ZNF462: variants seen among roughly 807,000 people sequenced by gnomAD.
ZNF462 encodes zinc finger protein 462.
Under a neutral mutation model 201.9 loss-of-function variants are expected in ZNF462, and 10 were observed. The observed-to-expected ratio is 0.05, with a 90% CI of 0.03 to 0.08. The LOEUF (loss-of-function observed/expected upper bound fraction) is 0.08. ZNF462 is among the 10% of genes least tolerant of loss of function. ZNF462 has a pLI of 1.00. For missense variants in ZNF462, 2,523 were observed against 3,168.3 expected, an observed-to-expected ratio of 0.80 and a Z score of 4.89; for synonymous variants, 1,227 against 1,193.3, an observed-to-expected ratio of 1.03 and a Z score of -0.58.
In ZNF462 at chr9:107,003,178, G is replaced by A. The variant is rs1829321569; in HGVS notation, c.7057-116G>A. On this transcript the variant is annotated intron_variant, in intron 10 of 12. Coordinates refer to ENST00000277225, the MANE Select transcript of ZNF462 (RefSeq NM_021224.6). This position sits in a 1 kb window ranked among gnomAD's most constrained non-coding sequence, Gnocchi z 4.4. ...ACCTCTTAGGCCCCGGAGTTGTTTGGTCCTGGTTGCAAAACCACAGTCACA... is the reference window on the plus strand; with the variant it reads ...ACCTCTTAGGCCCCGGAGTTGTTTGATCCTGGTTGCAAAACCACAGTCACA... 2.1e-6 allele frequency: 3 copies of A among 1,441,050 alleles called. No homozygotes were observed. Among genetic ancestry groups the A allele is most frequent in the South Asian group, 2.8e-5 (2 of 71,358 alleles). 89.3% of individuals were successfully genotyped at this position (1,441,050 alleles called of 1,614,324 possible).
chr9:106,974,296 C>T lies in ZNF462; in HGVS notation c.6832+23C>T. ...GAGGTAACCTTTCTAACTTGGTTTT[C>T]TTGGATGCAGCGGGGGGCAGGCAGC... On this transcript the variant is annotated intron_variant, in intron 9 of 12. Coordinates refer to ENST00000277225, the MANE Select transcript of ZNF462 (RefSeq NM_021224.6). This position sits in a 1 kb window ranked among gnomAD's most constrained non-coding sequence, Gnocchi z 4.0. 1 of 1,614,042 alleles carries T rather than the reference C, an allele frequency of 6.2e-7. No homozygotes were observed. The highest frequency in any genetic ancestry group is 8.5e-7 in the Non-Finnish European group (1 of 1,179,926).
rs1441643501 is a variant in ZNF462 at position 106,972,324 on chromosome 9, A to ACCTG, written c.6695+54_6695+55insTGCC. ...AAAACAAGGCGGCCGCCCCTGCTCC[A>ACCTG]CCCCTCACTGCAGGCTTCCCTTACA... On this transcript the variant is annotated intron_variant, in intron 8 of 12. Transcript: ENST00000277225. This position sits in a 1 kb window ranked among gnomAD's most constrained non-coding sequence, Gnocchi z 4.8. 1.3e-6 allele frequency: 2 copies of ACCTG among 1,574,694 alleles called. No individual in the cohort carries two copies. Among genetic ancestry groups the ACCTG allele is most frequent in the Non-Finnish European group, 1.7e-6 (2 of 1,159,994 alleles).
At chr9:106,922,932 C>G (rs1830045096) in intron 1 of ZNF462, among the ~76,000 whole-genome samples, 1 of 152,108 alleles carries the variant, frequency 6.6e-6, no homozygotes, top group African/African-American at 2.4e-5. Flanking sequence ...TGAAATTTTC[C>G]CTTTCTTCTG....
chr9:106,898,302 A>G (rs1004105860), intron 1 of ZNF462, among the ~76,000 whole-genome samples: 2 of 152,070 alleles, frequency 1.3e-5, no homozygotes, highest in Admixed American at 1.3e-4. Context: ...GCTGTGTGAA[A>G]ATGTTTGGGA....
In ZNF462 at chr9:106,986,327, G is replaced by A. The variant is rs552191723; in HGVS notation, c.7056+1918G>A. 5.3e-5 allele frequency among the ~76,000 whole-genome samples: 8 copies of A among 152,274 alleles called. No homozygotes were observed. In the East Asian group the frequency reaches 1.5e-3, roughly 29 times the overall value. Reference sequence around the variant, plus strand: ...CCAAAAAGATCTGGGTTTTAATCTTGTCTCCACCATTTACTGTGCATATTT... The same window carrying A: ...CCAAAAAGATCTGGGTTTTAATCTTATCTCCACCATTTACTGTGCATATTT... On this transcript the variant is annotated intron_variant, in intron 10 of 12. Transcript: ENST00000277225.
At position 106,938,397 on chromosome 9, in the gene ZNF462, A is replaced by G. The variant is rs766466731; in HGVS notation, c.6236-519A>G. ...CAAAAATATATATATGTGGGATGAGAATGTGTATAGTTAGCAAGGAAGTAC... is the reference window on the plus strand; with the variant it reads ...CAAAAATATATATATGTGGGATGAGGATGTGTATAGTTAGCAAGGAAGTAC... On this transcript the variant is annotated intron_variant, in intron 6 of 12. Coordinates refer to ENST00000277225, the MANE Select transcript of ZNF462 (RefSeq NM_021224.6). The surrounding 1 kb of genome is among the most constrained non-coding windows in gnomAD (Gnocchi z 4.4). Among the ~76,000 whole-genome samples, 1 of 152,180 alleles carries G rather than the reference A, an allele frequency of 6.6e-6. No individual in the cohort carries two copies. Among genetic ancestry groups the G allele is most frequent in the Non-Finnish European group, 1.5e-5 (1 of 68,022 alleles).
In ZNF462 at chr9:106,885,516, T is replaced by C. The variant is rs900643447; in HGVS notation, c.-31+22161T>C. 3.3e-5 allele frequency among the ~76,000 whole-genome samples: 5 copies of C among 152,170 alleles called. No individual in the cohort carries two copies. The highest frequency in any genetic ancestry group is 7.2e-5 in the African/African-American group (3 of 41,446). ...GGAGTATAGTCTCTTTAAAGTTATT[T>C]TGAGGAGTTGGACACTACCTACTAG... On this transcript the variant is annotated intron_variant, in intron 1 of 12. Transcript: ENST00000277225. The surrounding 1 kb of genome is among the most constrained non-coding windows in gnomAD (Gnocchi z 4.1).
rs1398738616 is a variant in ZNF462 at position 106,998,701 on chromosome 9, A to G, written c.7057-4593A>G. 1.1e-4 allele frequency among the ~76,000 whole-genome samples: 16 copies of G among 152,116 alleles called. No individual in the cohort carries two copies. The South Asian group carries it at 3.3e-3, about 32-fold the overall frequency. The stretch of plus-strand genomic sequence containing the variant: ...TGGCTCACTGCAACCTCCACTTCCC[A>G]GGTTTAAGCAATTCTCCTGCCTCAG... On this transcript the variant is annotated intron_variant, in intron 10 of 12. Transcript: ENST00000277225.
chr9:106,929,789 C>G lies in ZNF462; in HGVS notation c.5847+30C>G. On this transcript the variant is annotated intron_variant, in intron 3 of 12. Coordinates refer to ENST00000277225, the MANE Select transcript of ZNF462 (RefSeq NM_021224.6). The surrounding 1 kb of genome is among the most constrained non-coding windows in gnomAD (Gnocchi z 8.7). ...GGATATGTTTTGATTTCCCTTCCCC[C>G]AGGAGGCCTCTCATCACTGGTGCCC... 4 of 1,571,352 alleles carry G rather than the reference C, an allele frequency of 2.5e-6. No individual in the cohort carries two copies. The highest frequency in any genetic ancestry group is 3.5e-6 in the Non-Finnish European group (4 of 1,156,042).
intron 1 of ZNF462, among the ~76,000 whole-genome samples, chr9:106,900,843 T>C (rs1328870982): frequency 5.9e-5 from 9 of 152,200 alleles, no homozygotes; most frequent in Non-Finnish European, 2.9e-5. Context: ...GGTTGTCTGT[T>C]TACTTTGCTG....
At chr9:106,969,674 C>A (rs1462745418) in intron 7 of ZNF462, among the ~76,000 whole-genome samples, 1 of 152,080 alleles carries the variant, frequency 6.6e-6, no homozygotes, top group Non-Finnish European at 1.5e-5. Flanking sequence ...TCTGGGAGAT[C>A]CAGGGATGTG....
At chr9:106,907,644 A>C (rs1275631511) in intron 1 of ZNF462, among the ~76,000 whole-genome samples, 2 of 151,900 alleles carry the variant, frequency 1.3e-5, no homozygotes, top group African/African-American at 4.8e-5. Context: ...AATTGTTTTA[A>C]ATTAATTTTA....
Position 106,919,269 on chromosome 9 carries a change from T to G in ZNF462, c.-30-4085T>G, listed in dbSNP as rs2131383709. ...AGTGATGGTGGCGGGCCTGTAAGAATGCTGTACAATGTCAACACCTCCCCG... is the reference window on the plus strand; with the variant it reads ...AGTGATGGTGGCGGGCCTGTAAGAAGGCTGTACAATGTCAACACCTCCCCG... On this transcript the variant is annotated intron_variant, in intron 1 of 12. Transcript: ENST00000277225. This position sits in a 1 kb window ranked among gnomAD's most constrained non-coding sequence, Gnocchi z 4.5. Among the ~76,000 whole-genome samples, 1 of 152,322 alleles carries G rather than the reference T, an allele frequency of 6.6e-6. No individual in the cohort carries two copies.
rs769799444 is a variant in ZNF462, at chr9:106,938,923, T to G, written c.6243T>G (p.His2081Gln). Residue 2081 changes from histidine to glutamine, a missense_variant, in exon 7 of 13, where the codon CAT becomes CAG. His to Gln is a conservative substitution (Grantham distance 24). Transcript: ENST00000277225. This position sits in a 1 kb window ranked among gnomAD's most constrained non-coding sequence, Gnocchi z 4.4. ...THILKAHAGE[H>Q]AYKCSWCSFS... ...GTCACCATCCTCTTCCAGGTGAGCA[T>G]GCCTACAAGTGTTCTTGGTGCTCAT... is the stretch of plus-strand genomic sequence containing the variant. 1.9e-6 allele frequency: 3 copies of G among 1,605,854 alleles called. No individual in the cohort carries two copies. Among genetic ancestry groups the G allele is most frequent in the Non-Finnish European group, 2.6e-6 (3 of 1,176,422 alleles).
At position 106,974,514 on chromosome 9, in the gene ZNF462, G is replaced by A. The variant is rs776584461; in HGVS notation, c.6832+241G>A. 5.4e-5 allele frequency: 31 copies of A among 572,058 alleles called. No individual in the cohort carries two copies. The highest frequency in any genetic ancestry group is 9.7e-4 in the Middle Eastern group (2 of 2,066). 35.4% of individuals were successfully genotyped at this position (572,058 alleles called of 1,614,324 possible). On this transcript the variant is annotated intron_variant, in intron 9 of 12. Coordinates refer to ENST00000277225, the MANE Select transcript of ZNF462 (RefSeq NM_021224.6). This position sits in a 1 kb window ranked among gnomAD's most constrained non-coding sequence, Gnocchi z 4.0. ...GATGGATTCTGCAGTGAACATTTCC[G>A]TAGGGCTTCCCAGCATGGGGGATTT...
chr9:106,996,178 G>A (rs1288684268), intron 10 of ZNF462, among the ~76,000 whole-genome samples: 2 of 152,164 alleles, frequency 1.3e-5, no homozygotes, highest in South Asian at 2.1e-4. Context: ...GTATTCCATG[G>A]TGTATATGTG....
At position 106,929,815 on chromosome 9, in the gene ZNF462, A is replaced by T; in HGVS notation, c.5847+56A>T. The T allele has an allele frequency of 6.7e-7, 1 of 1,488,386 alleles. No homozygotes were observed. The highest frequency in any genetic ancestry group is 9.1e-7 in the Non-Finnish European group (1 of 1,097,332). 92.2% of individuals were successfully genotyped at this position (1,488,386 alleles called of 1,614,324 possible). ...AGGAGGCCTCTCATCACTGGTGCCC[A>T]CATGCACTTCTTCGTTGCCAGCCAA... On this transcript the variant is annotated intron_variant, in intron 3 of 12. Transcript: ENST00000277225. The surrounding 1 kb of genome is among the most constrained non-coding windows in gnomAD (Gnocchi z 8.7).
rs1269846525 is a variant in ZNF462, at chr9:106,930,440, AAAGT to A, written c.5848-83_5848-80del. ...TTAACCTGCTAATCGGCTTTAAAAT[AAAGT>A]ATGTTAGTAAACTGCAAGAATAAAT... On this transcript the variant is annotated intron_variant, in intron 3 of 12. Transcript: ENST00000277225. This position sits in a 1 kb window ranked among gnomAD's most constrained non-coding sequence, Gnocchi z 5.8. The A allele has an allele frequency of 1.3e-6, 2 of 1,532,964 alleles. No homozygotes were observed. Among genetic ancestry groups the A allele is most frequent in the Non-Finnish European group, 1.8e-6 (2 of 1,129,660 alleles). The allele number at this position is 1,532,964 out of a possible 1,614,324, so 95.0% of individuals were successfully genotyped here.
At chr9:106,912,559 T>TGACAC (rs1388354383) in intron 1 of ZNF462, among the ~76,000 whole-genome samples, 2 of 152,212 alleles carry the variant, frequency 1.3e-5, no homozygotes, top group Non-Finnish European at 2.9e-5. Flanking sequence ...GTTGAACAAC[T>TGACAC]GACACGTATG....
Sources: gnomAD v4.1 joint callset for allele counts (sites outside exome capture counted in the v4.1 genomes callset) on GRCh38, gnomAD v4.1.1 for gene constraint, Gnocchi (gnomAD v3.1) non-coding constraint, MANE v1.5 for transcripts, NCBI Gene and HGNC (gene_info 2026-07-23, HGNC 2026-07-21) for gene names.